BMPER: variants seen among roughly 807,000 people sequenced by gnomAD.
BMPER encodes the protein BMP-binding endothelial regulator protein.
A neutral mutation model predicts 87.3 loss-of-function variants in BMPER; 45 were observed. That is an observed-to-expected ratio of 0.52 (90% confidence interval 0.41 to 0.66). The LOEUF (loss-of-function observed/expected upper bound fraction) is 0.66, where lower values mean the gene tolerates loss of function less well. Ranked by LOEUF, BMPER falls within the 30% of genes least tolerant of loss-of-function variation. BMPER has a pLI of 0.00. For synonymous variants in BMPER, 326 were observed against 316.2 expected (o/e 1.03, Z -0.33); for missense variants, 784 against 867.5 (o/e 0.90, Z 1.21).
At chr7:33,968,901 A>G (rs942606488) in intron 4 of BMPER, among the ~76,000 whole-genome samples, 1 of 152,196 alleles carries the variant, frequency 6.6e-6, no homozygotes, top group Non-Finnish European at 1.5e-5. Flanking sequence ...TGAATCCTCC[A>G]TCTGGATTGC....
chr7:33,940,903 T>G (rs564105026), intron 3 of BMPER, among the ~76,000 whole-genome samples: 34 of 136,502 alleles, frequency 2.5e-4, no homozygotes, highest in African/African-American at 9.8e-4. Flanking sequence ...AATTTATATA[T>G]ATTACATATT....
chr7:34,047,367 C>T (rs968512750), intron 7 of BMPER, among the ~76,000 whole-genome samples: 2 of 152,050 alleles, frequency 1.3e-5, no homozygotes, highest in Admixed American at 6.6e-5. Context: ...CAACCTCCAC[C>T]TCCTGGGTTC....
chr7:34,057,274 C>T (rs1788310891), intron 9 of BMPER, among the ~76,000 whole-genome samples: 1 of 152,194 alleles, frequency 6.6e-6, no homozygotes, highest in Non-Finnish European at 1.5e-5. Context: ...CAAGGATGCA[C>T]ATCCCTGCCT....
intron 1 of BMPER, among the ~76,000 whole-genome samples, chr7:33,906,331 G>T (rs1430640285): frequency 6.6e-6 from 1 of 152,204 alleles, no homozygotes; most frequent in Admixed American, 6.5e-5. Flanking sequence ...GGGAAAAGGG[G>T]ATTGCGTTTC....
chr7:34,112,220 C>T (rs1273309071), intron 13 of BMPER, among the ~76,000 whole-genome samples: 1 of 151,930 alleles, frequency 6.6e-6, no homozygotes, highest in Non-Finnish European at 1.5e-5. Context: ...GAAGGCCAGG[C>T]GCGGTGGCTC....
At chr7:34,055,439 A>G (rs887381572) in intron 9 of BMPER, 136 bp downstream of exon 9, 1 of 1,109,074 alleles carries the variant, frequency 9.0e-7, no homozygotes, top group Admixed American at 1.9e-5. Context: ...ATATATTAAT[A>G]GAATGTATTT....
intron 6 of BMPER, among the ~76,000 whole-genome samples, chr7:34,007,487 T>C (rs1022180444): frequency 6.6e-6 from 1 of 151,990 alleles, no homozygotes; most frequent in East Asian, 1.9e-4. Context: ...CCACAGATGG[T>C]CCATGCATTT....
rs778823700 is a variant in BMPER at position 33,970,360 on chromosome 7, GTGT to G, written c.439_441del (p.Val147del). The G allele has an allele frequency of 3.1e-6, 5 of 1,614,034 alleles. No homozygotes were observed. In the African/African-American group the frequency reaches 4.0e-5, roughly 13 times the overall value. ...GTTGTCACAGAGTCTGGGGTGCGCT[GTGT>G]TGTTCATTGTAAAAACCCTTTGGAG... On this transcript the variant is annotated inframe_deletion, in exon 5 of 15. Coordinates refer to ENST00000649409, the MANE Select transcript of BMPER (RefSeq NM_001365308.1).
intron 7 of BMPER, among the ~76,000 whole-genome samples, chr7:34,050,514 C>T (rs574300166): frequency 1.7e-4 from 26 of 152,244 alleles, no homozygotes; most frequent in African/African-American, 6.3e-4. Context: ...TTCTTGACTC[C>T]TACTAACAGT....
chr7:34,117,951 A>G (rs1355252323), intron 13 of BMPER, among the ~76,000 whole-genome samples: 3 of 152,304 alleles, frequency 2.0e-5, no homozygotes, highest in Non-Finnish European at 2.9e-5. Flanking sequence ...CCTTGAATAC[A>G]TTTCTTTGTT....
intron 11 of BMPER, among the ~76,000 whole-genome samples, chr7:34,072,132 A>AAT (rs1469195925): frequency 6.6e-6 from 1 of 152,236 alleles, no homozygotes; most frequent in African/African-American, 2.4e-5. Flanking sequence ...ATGAATATAC[A>AAT]ATGTGCACAG....
chr7:34,078,009 A>C (rs1788910474), intron 11 of BMPER, among the ~76,000 whole-genome samples: 1 of 152,136 alleles, frequency 6.6e-6, no homozygotes. Context: ...AAATATATTT[A>C]CATGCAGAAC....
chr7:34,023,408 C>T (rs1787250992), intron 6 of BMPER, among the ~76,000 whole-genome samples: 2 of 151,988 alleles, frequency 1.3e-5, no homozygotes, highest in Admixed American at 1.3e-4. Context: ...TGTGTGTTTT[C>T]TTGCTGAAAG....
At chr7:34,066,101 TGGG>T (rs1170756284) in intron 11 of BMPER, among the ~76,000 whole-genome samples, 1 of 152,196 alleles carries the variant, frequency 6.6e-6, no homozygotes, top group Non-Finnish European at 1.5e-5. Context: ...TGGTAGTGTT[TGGG>T]GGCTGTCTCA....
chr7:33,949,601 G>GT (rs112376084), intron 3 of BMPER, among the ~76,000 whole-genome samples: 5,583 of 146,322 alleles, frequency 0.038, 226 homozygotes, highest in African/African-American at 0.1. Context: ...GTGCCACTGT[G>GT]TTTTTTTTTT....
intron 11 of BMPER, among the ~76,000 whole-genome samples, chr7:34,070,390 A>T (rs2127969879): frequency 6.6e-6 from 1 of 152,278 alleles, no homozygotes; most frequent in Non-Finnish European, 1.5e-5. Context: ...CCATGTTGCT[A>T]ATCAATCATC....
At chr7:34,001,830 C>T (rs1315926831) in intron 6 of BMPER, among the ~76,000 whole-genome samples, 1 of 151,578 alleles carries the variant, frequency 6.6e-6, no homozygotes, top group Non-Finnish European at 1.5e-5. Context: ...GCATTTCTCT[C>T]TAAGTACTAT....
chr7:34,031,919 T>C (rs1326309797), intron 6 of BMPER, among the ~76,000 whole-genome samples: 141 of 119,604 alleles, frequency 1.2e-3, no homozygotes, highest in East Asian at 0.011. Flanking sequence ...TATATATATA[T>C]ATATATATAC....
chr7:34,145,822 G>A (rs971055658), intron 14 of BMPER, among the ~76,000 whole-genome samples: 6 of 152,248 alleles, frequency 3.9e-5, no homozygotes, highest in East Asian at 3.9e-4. Context: ...CAGTGCACAC[G>A]TTGCATTTGA....
Sources: allele counts gnomAD v4.1 joint callset (sites outside exome capture counted in the v4.1 genomes callset), GRCh38; gene constraint gnomAD v4.1.1; transcripts MANE v1.5; gene names NCBI Gene and HGNC (gene_info 2026-07-23, HGNC 2026-07-21).